Variants in OSBPL6 observed in about 807,000 individuals in gnomAD.
OSBPL6 encodes oxysterol binding protein like 6, also known as oxysterol-binding protein-related protein 6.
OSBPL6 carries 49 observed loss-of-function variants against 125.8 expected under a neutral mutation model. That is an observed-to-expected ratio of 0.39 (90% CI 0.31 to 0.49). The LOEUF (loss-of-function observed/expected upper bound fraction) is 0.49. Among genes scored for constraint, OSBPL6 ranks in the 20% least tolerant of loss-of-function variants. The pLI, the probability that OSBPL6 is intolerant of heterozygous loss-of-function variation, is 0.88. For synonymous variants in OSBPL6, 394 were observed against 391.8 expected (o/e 1.01, Z -0.07); for missense variants, 986 against 1,135.4 (o/e 0.87, Z 1.89).
intron 1 of OSBPL6, among the ~76,000 whole-genome samples, chr2:178,271,206 A>AATTTATTT (rs2092368714): frequency 6.6e-6 from 1 of 152,214 alleles, no homozygotes; most frequent in Non-Finnish European, 1.5e-5. Flanking sequence ...GGCATTTTAA[A>AATTTATTT]ATTTATTTCA....
At chr2:178,199,009 A>G (rs2089080579) in intron 1 of OSBPL6, among the ~76,000 whole-genome samples, 1 of 152,226 alleles carries the variant, frequency 6.6e-6, no homozygotes, top group South Asian at 2.1e-4. Flanking sequence ...TTTAGTGACT[A>G]TTAGATATGA....
chr2:178,202,606 G>A (rs531601789), intron 1 of OSBPL6, among the ~76,000 whole-genome samples: 186 of 152,142 alleles, frequency 1.2e-3, no homozygotes, highest in Non-Finnish European at 2.2e-3. Flanking sequence ...CAGATCACTC[G>A]AGGTCAGGAG....
chr2:178,384,110 C>T lies in OSBPL6; in HGVS notation c.1947C>T (p.Asn649=), dbSNP rs141085876. The T allele has an allele frequency of 2.4e-4, 389 of 1,614,156 alleles. 1 individual carries two copies. The African/African-American group carries it at 4.7e-3, about 19-fold the overall frequency. Residue 649 remains asparagine, a synonymous_variant, in exon 18 of 25, where the codon AAC becomes AAT. Coordinates refer to ENST00000190611, the MANE Select transcript of OSBPL6 (RefSeq NM_032523.4). ...TYFRAGSKPF[N]PVLGETYECI... ...TCAGAGCAGGAAGTAAGCCATTCAACCCAGTCCTTGGGGAGACTTATGAAT... is the reference window on the plus strand; with the variant it reads ...TCAGAGCAGGAAGTAAGCCATTCAATCCAGTCCTTGGGGAGACTTATGAAT...
At chr2:178,226,247 C>T (rs1019566737) in intron 1 of OSBPL6, among the ~76,000 whole-genome samples, 2 of 152,174 alleles carry the variant, frequency 1.3e-5, no homozygotes. Context: ...GAGCCAAAGC[C>T]CTCTGGAAGC....
chr2:178,238,163 C>T (rs1024313346), intron 1 of OSBPL6, among the ~76,000 whole-genome samples: 1 of 152,162 alleles, frequency 6.6e-6, no homozygotes, highest in Non-Finnish European at 1.5e-5. Context: ...GTTTCAGTTA[C>T]CCATGGTCAA....
intron 1 of OSBPL6, among the ~76,000 whole-genome samples, chr2:178,223,077 A>G (rs779317392): frequency 2.6e-5 from 4 of 152,178 alleles, no homozygotes; most frequent in Admixed American, 6.5e-5. Flanking sequence ...TGTGATGAAC[A>G]TCTTTGTACA....
At chr2:178,335,928 AG>A (rs1173840769) in intron 8 of OSBPL6, among the ~76,000 whole-genome samples, 2 of 152,256 alleles carry the variant, frequency 1.3e-5, no homozygotes, top group Admixed American at 6.5e-5. Flanking sequence ...ATAAGGGTAC[AG>A]AAACCTTTTG....
chr2:178,319,137 G>T (rs994422463), intron 3 of OSBPL6, among the ~76,000 whole-genome samples: 1 of 152,146 alleles, frequency 6.6e-6, no homozygotes, highest in Admixed American at 6.5e-5. Flanking sequence ...ATGTTCTTTT[G>T]TCTGCACCAT....
At chr2:178,386,514 A>T (rs1260898334) in intron 19 of OSBPL6, among the ~76,000 whole-genome samples, 1 of 152,114 alleles carries the variant, frequency 6.6e-6, no homozygotes, top group African/African-American at 2.4e-5. Context: ...CTGTAATCCC[A>T]AATTATATGT....
intron 22 of OSBPL6, 102 bp from the exon 23 acceptor site, chr2:178,392,310 C>A: frequency 1.5e-6 from 2 of 1,322,744 alleles, no homozygotes; most frequent in South Asian, 1.5e-5. Context: ...TTTATGACTA[C>A]AAATTTGGTG....
chr2:178,247,205 ATTTGT>A (rs1253688117), intron 1 of OSBPL6, among the ~76,000 whole-genome samples: 1 of 151,516 alleles, frequency 6.6e-6, no homozygotes, highest in Non-Finnish European at 1.5e-5. Flanking sequence ...GATTTTGTCT[ATTTGT>A]TTTGTTTTGT....
chr2:178,333,692 G>T (rs1275009133), intron 8 of OSBPL6, among the ~76,000 whole-genome samples: 5 of 152,144 alleles, frequency 3.3e-5, no homozygotes, highest in Admixed American at 3.3e-4. Flanking sequence ...CTTCCTGGAT[G>T]GTAATAAGAA....
intron 1 of OSBPL6, among the ~76,000 whole-genome samples, chr2:178,248,862 A>G (rs1180628799): frequency 1.3e-5 from 2 of 152,186 alleles, no homozygotes; most frequent in African/African-American, 4.8e-5. Context: ...GTCCAGAATT[A>G]ACTATTGTTA....
chr2:178,208,146 G>A (rs907470014), intron 1 of OSBPL6, among the ~76,000 whole-genome samples: 2 of 151,996 alleles, frequency 1.3e-5, no homozygotes, highest in Non-Finnish European at 2.9e-5. Context: ...ATTAGCCAGC[G>A]TGGTGGCACG....
At chr2:178,226,170 A>G (rs1250745181) in intron 1 of OSBPL6, among the ~76,000 whole-genome samples, 3 of 152,132 alleles carry the variant, frequency 2.0e-5, no homozygotes, top group Non-Finnish European at 4.4e-5. Flanking sequence ...AGGGGTGGGC[A>G]AGGAGATGGG....
At chr2:178,242,610 G>A (rs187703597) in intron 1 of OSBPL6, among the ~76,000 whole-genome samples, 1 of 152,062 alleles carries the variant, frequency 6.6e-6, no homozygotes, top group African/African-American at 2.4e-5. Flanking sequence ...TGATACTTTA[G>A]TTTTAAAAAA....
chr2:178,312,572 C>A (rs562297039), intron 3 of OSBPL6, among the ~76,000 whole-genome samples: 1 of 152,128 alleles, frequency 6.6e-6, no homozygotes, highest in African/African-American at 2.4e-5. Context: ...TCTGACACCT[C>A]AGCCTCCCGA....
At chr2:178,296,389 C>T (rs1685755471) in intron 2 of OSBPL6, among the ~76,000 whole-genome samples, 1 of 152,098 alleles carries the variant, frequency 6.6e-6, no homozygotes, top group African/African-American at 2.4e-5. Context: ...CCTGAGGTTT[C>T]ATAGCTAGGA....
Position 178,372,157 on chromosome 2 carries a change from G to A in OSBPL6, c.1319G>A (p.Arg440Gln), listed in dbSNP as rs980447110. 15 of 1,612,904 alleles carry A rather than the reference G, an allele frequency of 9.3e-6. No individual in the cohort carries two copies. The highest frequency in any genetic ancestry group is 4.4e-5 in the South Asian group (4 of 90,968). The change falls in exon 14 of 25, where the codon CGG becomes CAG. Residue 440 changes from arginine (R) to glutamine (Q), a missense_variant. Physicochemically the swap from Arg to Gln is conservative, Grantham distance 43. Transcript: ENST00000190611. The stretch of plus-strand genomic sequence containing the variant: ...AACCAGAATGCTGAACTAAGGAGTC[G>A]GTTGAACAGAATACATTCAGAGTCT... ...ALNQNAELRS[R>Q]LNRIHSESII...
Sources: allele counts gnomAD v4.1 joint callset (sites outside exome capture counted in the v4.1 genomes callset), GRCh38; gene constraint gnomAD v4.1.1; transcripts MANE v1.5; gene names NCBI Gene and HGNC (gene_info 2026-07-23, HGNC 2026-07-21).